Variants in ARHGAP28 observed in about 807,000 individuals in gnomAD.
ARHGAP28 encodes rho GTPase-activating protein 28.
A neutral mutation model predicts 90.7 loss-of-function variants in ARHGAP28; 56 were observed. The ratio of observed to expected loss-of-function variants is 0.62; its 90% CI spans 0.50 to 0.77. The LOEUF (loss-of-function observed/expected upper bound fraction) is 0.77. Among genes scored for constraint, ARHGAP28 ranks in the 30% least tolerant of loss-of-function variants. The pLI is 0.00. For synonymous variants in ARHGAP28, 308 were observed against 323.3 expected, an observed-to-expected ratio of 0.95 and a Z score of 0.51; for missense variants, 869 against 900.9, an observed-to-expected ratio of 0.96 and a Z score of 0.45.
At chr18:6,871,431 A>G (rs779920198) in intron 7 of ARHGAP28, among the ~76,000 whole-genome samples, 4 of 152,212 alleles carry the variant, frequency 2.6e-5, no homozygotes, top group African/African-American at 4.8e-5. Flanking sequence ...AGTCACAGTC[A>G]TGAGAGGAAG....
intron 14 of ARHGAP28, among the ~76,000 whole-genome samples, chr18:6,893,707 G>A (rs543321203): frequency 1.3e-5 from 2 of 152,168 alleles, no homozygotes; most frequent in South Asian, 4.2e-4. Flanking sequence ...CGGTGTGTGT[G>A]TGTGTAAACT....
At chr18:6,836,468 C>A (rs1229516653) in intron 2 of ARHGAP28, among the ~76,000 whole-genome samples, 1 of 152,072 alleles carries the variant, frequency 6.6e-6, no homozygotes, top group African/African-American at 2.4e-5. Flanking sequence ...GTGGTCACTG[C>A]ACCTTATCTG....
chr18:6,841,183 CTCTCTCT>C (rs1567966608), intron 3 of ARHGAP28, among the ~76,000 whole-genome samples: 16 of 49,690 alleles, frequency 3.2e-4, no homozygotes, highest in Non-Finnish European at 5.4e-4. Context: ...TCTCTCTCCT[CTCTCTCT>C]CTCTCTCTCT....
chr18:6,899,249 T>C (rs749626927), intron 16 of ARHGAP28, among the ~76,000 whole-genome samples: 8 of 152,002 alleles, frequency 5.3e-5, no homozygotes, highest in Non-Finnish European at 8.8e-5. Context: ...TACTCTCCCT[T>C]ACAACTAGAA....
At chr18:6,801,693 T>G (rs1439223484) in intron 1 of ARHGAP28, among the ~76,000 whole-genome samples, 1 of 152,182 alleles carries the variant, frequency 6.6e-6, no homozygotes, top group Non-Finnish European at 1.5e-5. Context: ...ATTGATATAA[T>G]TTGTAAAGAT....
At chr18:6,777,072 A>C (rs185161976) in intron 1 of ARHGAP28, among the ~76,000 whole-genome samples, 3 of 152,312 alleles carry the variant, frequency 2.0e-5, no homozygotes, top group Non-Finnish European at 2.9e-5. Context: ...TTGTTTTGTC[A>C]ACATGACTCT....
chr18:6,740,846 A>G (rs1239313312), intron 1 of ARHGAP28, among the ~76,000 whole-genome samples: 1 of 152,200 alleles, frequency 6.6e-6, no homozygotes. Context: ...TGTCTTGCCT[A>G]GAGCCTTACA....
At chr18:6,839,438 C>A (rs1336863567) in intron 3 of ARHGAP28, among the ~76,000 whole-genome samples, 1 of 151,994 alleles carries the variant, frequency 6.6e-6, no homozygotes, top group Non-Finnish European at 1.5e-5. Flanking sequence ...GGACTATAGG[C>A]GCCAGCCACC....
At chr18:6,899,063 A>G (rs2057324518) in intron 16 of ARHGAP28, among the ~76,000 whole-genome samples, 1 of 152,180 alleles carries the variant, frequency 6.6e-6, no homozygotes, top group African/African-American at 2.4e-5. Flanking sequence ...AATAATTACA[A>G]AAAAATCTTG....
chr18:6,827,611 A>G (rs1359358476), intron 2 of ARHGAP28, among the ~76,000 whole-genome samples: 36 of 124,422 alleles, frequency 2.9e-4, no homozygotes, highest in African/African-American at 8.6e-4. Flanking sequence ...CCTCCCTCCG[A>G]GACGGGGCGG....
At chr18:6,900,122 C>T (rs1277840388) in intron 16 of ARHGAP28, among the ~76,000 whole-genome samples, 2 of 152,278 alleles carry the variant, frequency 1.3e-5, no homozygotes, top group East Asian at 3.9e-4. Context: ...TGGTGTCCTG[C>T]TTTCAAAGGG....
At chr18:6,860,735 G>A (rs940589352) in intron 5 of ARHGAP28, among the ~76,000 whole-genome samples, 3 of 152,180 alleles carry the variant, frequency 2.0e-5, no homozygotes, top group Non-Finnish European at 4.4e-5. Context: ...AGATAATGCT[G>A]TTAGCCCCAC....
At chr18:6,905,727 A>G (rs972822205) in intron 16 of ARHGAP28, among the ~76,000 whole-genome samples, 9 of 152,160 alleles carry the variant, frequency 5.9e-5, no homozygotes, top group Non-Finnish European at 1.0e-4. Flanking sequence ...AACACACAAA[A>G]ATCAATCACA....
chr18:6,839,292 ATTTT>A (rs368008575), intron 3 of ARHGAP28, among the ~76,000 whole-genome samples: 1 of 133,956 alleles, frequency 7.5e-6, no homozygotes, highest in African/African-American at 2.8e-5. Flanking sequence ...AACCAGCATA[ATTTT>A]TTTTTTTTTT....
At chr18:6,904,477 G>A (rs1353413477) in intron 16 of ARHGAP28, among the ~76,000 whole-genome samples, 1 of 152,142 alleles carries the variant, frequency 6.6e-6, no homozygotes, top group African/African-American at 2.4e-5. Context: ...ATTTATAGCA[G>A]TAAATGCTTA....
chr18:6,729,888 C>T lies in ARHGAP28; in HGVS notation c.67C>T (p.Pro23Ser), dbSNP rs1405795888. Residue 23 changes from proline (P) to serine (S), a missense_variant, in exon 1 of 18, where the codon CCC becomes TCC. Pro to Ser is a moderately conservative substitution (Grantham distance 74, BLOSUM62 -1). Transcript: ENST00000383472. ...AYHSYARAQP[P>S]NAESRCAPRA... ...CCACTCGTACGCGCGCGCCCAGCCC[C>T]CCAACGCCGAGTCGCGCTGCGCGCC... 5 of 1,428,536 alleles carry T rather than the reference C, an allele frequency of 3.5e-6. No individual in the cohort carries two copies. Among genetic ancestry groups the T allele is most frequent in the Non-Finnish European group, 4.6e-6 (5 of 1,093,686 alleles). The allele number at this position is 1,428,536 out of a possible 1,614,324, so 88.5% of individuals were successfully genotyped here. A position where few individuals can be genotyped will look rare whatever the true frequency, so the allele number is the denominator to read the frequency against.
At chr18:6,884,735 A>T (rs1412730077) in intron 11 of ARHGAP28, among the ~76,000 whole-genome samples, 1 of 152,140 alleles carries the variant, frequency 6.6e-6, no homozygotes, top group Non-Finnish European at 1.5e-5. Context: ...GATTTGGGTG[A>T]AGTTTATACC....
chr18:6,821,582 G>A (rs925265141), intron 1 of ARHGAP28, among the ~76,000 whole-genome samples: 2 of 152,288 alleles, frequency 1.3e-5, no homozygotes, highest in African/African-American at 4.8e-5. Flanking sequence ...CTGGGGTGAA[G>A]GAAAAACATT....
chr18:6,828,195 A>T (rs910430705), intron 2 of ARHGAP28, among the ~76,000 whole-genome samples: 6 of 152,210 alleles, frequency 3.9e-5, no homozygotes, highest in Non-Finnish European at 7.3e-5. Flanking sequence ...CCAAAAAAAT[A>T]CGAAAACCAG....
Sources: allele counts gnomAD v4.1 joint callset (sites outside exome capture counted in the v4.1 genomes callset), GRCh38; gene constraint gnomAD v4.1.1; transcripts MANE v1.5; gene names NCBI Gene and HGNC (gene_info 2026-07-23, HGNC 2026-07-21).